The following MROH2A variants were observed in gnomAD, a reference collection of about 807,000 sequenced individuals.
The protein encoded by MROH2A is maestro heat like repeat family member 2A, also known as maestro heat-like repeat-containing protein family member 2A.
MROH2A carries 174 observed loss-of-function variants against 200.4 expected under a neutral mutation model. The ratio of observed to expected loss-of-function variants is 0.87; its 90% CI spans 0.77 to 0.98. The LOEUF (loss-of-function observed/expected upper bound fraction) is 0.98, where lower values mean the gene tolerates loss of function less well. MROH2A is among the 50% of genes least tolerant of loss of function. The pLI is 0.00. For missense variants in MROH2A, 2,045 were observed against 2,139.6 expected, an observed-to-expected ratio of 0.96 and a Z score of 0.87; for synonymous variants, 829 against 840.4, an observed-to-expected ratio of 0.99 and a Z score of 0.23.
chr2:233,792,845 C>T lies in MROH2A; in HGVS notation c.621C>T (p.Thr207=), dbSNP rs1701869642. The T allele has an allele frequency of 6.4e-7, 1 of 1,550,468 alleles. No homozygotes were observed. Among genetic ancestry groups the T allele is most frequent in the Non-Finnish European group, 8.7e-7 (1 of 1,146,982 alleles). Residue 207 remains threonine (T), a synonymous_variant, in exon 6 of 42, where the codon ACC becomes ACT. Coordinates refer to ENST00000389758, the MANE Select transcript of MROH2A (RefSeq NM_001394639.1). ...YMGITLATIF[T]MLRLANEAKI... ...GCATCACCCTGGCTACCATATTCAC[C>T]ATGCTGAGACTTGCCAATGAAGCCA... is the stretch of plus-strand genomic sequence containing the variant.
intron 19 of MROH2A, 130 bp downstream of exon 19, chr2:233,805,241 G>A: frequency 1.7e-6 from 1 of 595,272 alleles, no homozygotes; most frequent in Non-Finnish European, 2.9e-6. Context: ...GGGAGGAGAG[G>A]AGCGTGGTCT....
Position 233,799,910 on chromosome 2 carries a change from C to T in MROH2A, c.1449+11C>T. On this transcript the variant is annotated intron_variant, in intron 13 of 41. Transcript: ENST00000389758. ...TCCACCTACAAACTGGTGAGTGGCC[C>T]TGATACGCAGACCGCAGAGCAGCTG... 6.4e-7 allele frequency: 1 copy of T among 1,550,446 alleles called. No homozygotes were observed. The highest frequency in any genetic ancestry group is 8.7e-7 in the Non-Finnish European group (1 of 1,146,914).
chr2:233,813,623 T>C (rs913785667), intron 24 of MROH2A, 47 bp from the exon 25 acceptor site: 17 of 1,235,032 alleles, frequency 1.4e-5, no homozygotes, highest in Admixed American at 4.0e-5. Flanking sequence ...CAGCAGAAGC[T>C]CAACTCCCCA....
intron 35 of MROH2A, among the ~76,000 whole-genome samples, chr2:233,827,351 G>A (rs991548375): frequency 6.6e-5 from 10 of 152,274 alleles, no homozygotes; most frequent in Non-Finnish European, 1.0e-4. Flanking sequence ...ACTGGATAAA[G>A]AAAATGAGGT....
intron 5 of MROH2A, among the ~76,000 whole-genome samples, chr2:233,791,981 G>C (rs1040967026): frequency 1.3e-5 from 2 of 152,140 alleles, no homozygotes; most frequent in East Asian, 3.9e-4. Flanking sequence ...TTGCAGGGTG[G>C]CCTGTTACGG....
In MROH2A at chr2:233,828,790, TGGCCCTGGGCCCAGGTCCCGGGA is replaced by T; in HGVS notation, c.4263+13_4263+35del. 2 of 1,549,748 alleles carry T rather than the reference TGGCCCTGGGCCCAGGTCCCGGGA, an allele frequency of 1.3e-6. No homozygotes were observed. The highest frequency in any genetic ancestry group is 1.7e-6 in the Non-Finnish European group (2 of 1,146,514). On this transcript the variant is annotated intron_variant, in intron 36 of 41. Coordinates refer to ENST00000389758, the MANE Select transcript of MROH2A (RefSeq NM_001394639.1). This position sits in a 1 kb window ranked among gnomAD's most constrained non-coding sequence, Gnocchi z 4.6. ...GGCGCCCCCAAGAAGGTACTGTGCC[TGGCCCTGGGCCCAGGTCCCGGGA>T]GCTGAGGGTGCAGGCCGGGTGCCCT...
Position 233,822,478 on chromosome 2 carries a change from C to G in MROH2A, c.3788C>G (p.Pro1263Arg), listed in dbSNP as rs939158637. ...CTGCAGCTTGGAAGCAGCCACCGACCAGAGGCCGCCCCGCCGGTCTTGAAG... is the reference window on the plus strand; with the variant it reads ...CTGCAGCTTGGAAGCAGCCACCGACGAGAGGCCGCCCCGCCGGTCTTGAAG... Reference protein sequence around the residue: ...LLLQLGSSHRPEAAPPVLKMW... With the variant: ...LLLQLGSSHRREAAPPVLKMW... Residue 1263 changes from proline to arginine, a missense_variant, in exon 33 of 42, where the codon CCA becomes CGA. Coordinates refer to ENST00000389758, the MANE Select transcript of MROH2A (RefSeq NM_001394639.1). 4 of 1,550,440 alleles carry G rather than the reference C, an allele frequency of 2.6e-6. No individual in the cohort carries two copies. In the African/African-American group the frequency reaches 4.1e-5, roughly 16 times the overall value.
chr2:233,802,371 C>T (rs1702528935), intron 15 of MROH2A, 56 bp downstream of exon 15: 2 of 1,503,628 alleles, frequency 1.3e-6, no homozygotes, highest in East Asian at 2.5e-5. Context: ...GGCTCCTTGT[C>T]TGGGAATGCC....
intron 16 of MROH2A, 102 bp downstream of exon 16, chr2:233,803,590 G>A (rs1455611314): frequency 2.4e-6 from 3 of 1,267,344 alleles, no homozygotes; most frequent in Non-Finnish European, 2.2e-6. Context: ...GTATGAGGAA[G>A]CTGAGGTGCA....
intron 9 of MROH2A, 62 bp downstream of exon 9, chr2:233,795,807 G>C (rs774711400): frequency 9.0e-6 from 14 of 1,550,206 alleles, no homozygotes; most frequent in Admixed American, 2.0e-5. Flanking sequence ...GGAAGCTGGC[G>C]GCGGGAGGTG....
chr2:233,796,807 A>C (rs924821536), intron 11 of MROH2A, among the ~76,000 whole-genome samples: 1 of 152,172 alleles, frequency 6.6e-6, no homozygotes, highest in African/African-American at 2.4e-5. Flanking sequence ...CAGGTACATA[A>C]TGGTTAGAAG....
Position 233,784,553 on chromosome 2 carries a change from G to A in MROH2A, c.276+4701G>A, listed in dbSNP as rs148608374. On this transcript the variant is annotated intron_variant, in intron 3 of 41. Transcript: ENST00000389758. ...AGGTGAGGCCTGGAGGGAGGTGTTCGGGTCATGGGGGAAGATCCCTCATGA... is the reference window on the plus strand; with the variant it reads ...AGGTGAGGCCTGGAGGGAGGTGTTCAGGTCATGGGGGAAGATCCCTCATGA... Among the ~76,000 whole-genome samples the A allele has an allele frequency of 6.7e-3, 1,027 of 152,204 alleles. 11 individuals are homozygous for A. Among genetic ancestry groups the A allele is most frequent in the African/African-American group, 0.023 (973 of 41,520 alleles).
chr2:233,820,141 G>A lies in MROH2A; in HGVS notation c.3512+85G>A, dbSNP rs1220415173. On this transcript the variant is annotated intron_variant, in intron 31 of 41. Coordinates refer to ENST00000389758, the MANE Select transcript of MROH2A (RefSeq NM_001394639.1). The surrounding 1 kb of genome is among the most constrained non-coding windows in gnomAD (Gnocchi z 4.1). ...CCACCCCGATGTGTCCCAGAAGCCT[G>A]GAGCCTTGGGCAGTACCCTGCCCCA... The A allele has an allele frequency of 7.7e-7, 1 of 1,300,094 alleles. No homozygotes were observed. The highest frequency in any genetic ancestry group is 1.5e-5 in the African/African-American group (1 of 66,308). The allele number at this position is 1,300,094 out of a possible 1,614,324, so 80.5% of individuals were successfully genotyped here. A position where few individuals can be genotyped will look rare whatever the true frequency, so the allele number is the denominator to read the frequency against.
In MROH2A at chr2:233,832,569, A is replaced by G. The variant is rs752669058; in HGVS notation, c.4838-10A>G. 1 of 1,539,344 alleles carries G rather than the reference A, an allele frequency of 6.5e-7. No individual in the cohort carries two copies. The highest frequency in any genetic ancestry group is 2.4e-5 in the East Asian group (1 of 40,866). Reference sequence around the variant, plus strand: ...TCGCGTGATGAGCATTTCTTTGGCTATTGTTTTAGGAATTATTATGAAGCA... The same window carrying G: ...TCGCGTGATGAGCATTTCTTTGGCTGTTGTTTTAGGAATTATTATGAAGCA... On this transcript the variant is annotated splice_polypyrimidine_tract_variant and intron_variant, in intron 40 of 41. Coordinates refer to ENST00000389758, the MANE Select transcript of MROH2A (RefSeq NM_001394639.1).
intron 28 of MROH2A, among the ~76,000 whole-genome samples, 153 bp downstream of exon 28, chr2:233,818,278 A>G (rs1219735085): frequency 1.3e-5 from 2 of 152,176 alleles, no homozygotes; most frequent in African/African-American, 4.8e-5. Flanking sequence ...GGGAGCAGTG[A>G]GGGGAGAGTT....
chr2:233,819,505 G>C (rs1210359696), intron 30 of MROH2A, 36 bp downstream of exon 30: 3 of 1,542,550 alleles, frequency 1.9e-6, no homozygotes, highest in Non-Finnish European at 2.6e-6. Flanking sequence ...AGAGAGAGGG[G>C]CTGGGGCTGC....
chr2:233,816,835 A>G lies in MROH2A; in HGVS notation c.2911A>G (p.Ser971Gly). The change falls in exon 27 of 42, where the codon AGC (serine) becomes GGC (glycine). Residue 971 changes from serine to glycine, a missense_variant. Physicochemically the swap from Ser to Gly is moderately conservative, Grantham distance 56. This residue lies in a region of MROH2A where 1,201 missense variants were observed against 1,311.3 expected (regional missense o/e 0.92). Transcript: ENST00000389758. ...EKEWEREKAVSLHLYLMWIYV... is the reference protein window; with the variant it reads ...EKEWEREKAVGLHLYLMWIYV... ...AGAATGGGAGCGGGAAAAGGCCGTG[A>G]GCCTCCATCTCTATCTCATGTGGAT... 6.4e-7 allele frequency: 1 copy of G among 1,550,426 alleles called. No homozygotes were observed. The highest frequency in any genetic ancestry group is 1.2e-5 in the South Asian group (1 of 84,050).
chr2:233,806,177 A>G (rs1702778980), intron 19 of MROH2A, among the ~76,000 whole-genome samples: 1 of 152,200 alleles, frequency 6.6e-6, no homozygotes, highest in Admixed American at 6.5e-5. Context: ...AAGTGTACAA[A>G]ATAAAATAGA....
At chr2:233,799,982 C>T (rs143758019) in intron 13 of MROH2A, 83 bp downstream of exon 13, 7 of 1,518,444 alleles carry the variant, frequency 4.6e-6, no homozygotes, top group Non-Finnish European at 6.2e-6. Context: ...TGCCACTCAG[C>T]GTACCTGTGT....
Sources: gnomAD v4.1 joint callset for allele counts (sites outside exome capture counted in the v4.1 genomes callset) on GRCh38, gnomAD v4.1.1 for gene constraint, gnomAD v4.1.1 regional missense constraint, Gnocchi (gnomAD v3.1) non-coding constraint, MANE v1.5 for transcripts, NCBI Gene and HGNC (gene_info 2026-07-23, HGNC 2026-07-21) for gene names.